The following TRPC7 variants were observed in gnomAD, a reference collection of about 807,000 sequenced individuals.
The protein encoded by TRPC7 is transient receptor potential cation channel subfamily C member 7, also known as short transient receptor potential channel 7.
In TRPC7, 42 loss-of-function variants were observed where a neutral mutation model predicts 90.1. That is an observed-to-expected ratio of 0.47 (90% CI 0.36 to 0.60). The LOEUF is 0.60. Among genes scored for constraint, TRPC7 ranks in the 20% least tolerant of loss-of-function variants. TRPC7 has a pLI of 0.00. For synonymous variants in TRPC7, 451 were observed against 436.3 expected, an observed-to-expected ratio of 1.03 and a Z score of -0.42; for missense variants, 955 against 1,112.3, an observed-to-expected ratio of 0.86 and a Z score of 2.01.
chr5:136,250,274 A>C (rs1400618979), intron 6 of TRPC7, among the ~76,000 whole-genome samples: 1 of 152,254 alleles, frequency 6.6e-6, no homozygotes, highest in Non-Finnish European at 1.5e-5. Context: ...TCTACACTGA[A>C]AACGGGCAGT....
chr5:136,245,628 T>C (rs1281504662), intron 7 of TRPC7, among the ~76,000 whole-genome samples: 1 of 152,112 alleles, frequency 6.6e-6, no homozygotes. Context: ...CTTAGCCCCA[T>C]TGATCCTGGC....
chr5:136,228,253 C>T (rs538620259), intron 8 of TRPC7, among the ~76,000 whole-genome samples: 6 of 147,598 alleles, frequency 4.1e-5, no homozygotes, highest in South Asian at 2.2e-4. Flanking sequence ...GGCTCAGATC[C>T]GAGGAGTGAG....
intron 2 of TRPC7, among the ~76,000 whole-genome samples, chr5:136,316,828 T>C (rs571145260): frequency 2.0e-5 from 3 of 152,334 alleles, no homozygotes; most frequent in Non-Finnish European, 2.9e-5. Context: ...AAGAGCCAAA[T>C]GTCACTTTCA....
rs1338221982 is a variant in TRPC7, at chr5:136,357,024, C to T, written c.364G>A (p.Val122Met). 4 of 1,613,068 alleles carry T rather than the reference C, an allele frequency of 2.5e-6. No individual in the cohort carries two copies. The highest frequency in any genetic ancestry group is 2.2e-5 in the South Asian group (2 of 91,080). Residue 122 changes from valine to methionine, a missense_variant, in exon 2 of 12, where the codon GTG becomes ATG. Val to Met is a conservative substitution (Grantham distance 21, BLOSUM62 1). This residue lies in a region of TRPC7 where 14 missense variants were observed against 34.2 expected (regional missense o/e 0.41). Transcript: ENST00000513104. Reference protein sequence around the residue: ...LAISKGYVRIVEAILNHPAFA... With the variant: ...LAISKGYVRIMEAILNHPAFA... The stretch of plus-strand genomic sequence containing the variant: ...GCCGGGTGGTTGAGGATGGCCTCCA[C>T]GATGCGCACATAGCCCTTGCTGATG...
At chr5:136,239,631 C>G (rs948319317) in intron 7 of TRPC7, among the ~76,000 whole-genome samples, 1 of 152,176 alleles carries the variant, frequency 6.6e-6, no homozygotes, top group Non-Finnish European at 1.5e-5. Context: ...AGCAGGATCC[C>G]CTTTGCAGCC....
chr5:136,277,248 T>C (rs373685470), intron 3 of TRPC7, among the ~76,000 whole-genome samples: 48 of 152,330 alleles, frequency 3.2e-4, no homozygotes, highest in African/African-American at 1.0e-3. Context: ...AAGACAGTGG[T>C]CCCAGCTAAA....
chr5:136,300,692 A>G (rs1432413028), intron 3 of TRPC7, among the ~76,000 whole-genome samples: 1 of 152,222 alleles, frequency 6.6e-6, no homozygotes, highest in Non-Finnish European at 1.5e-5. Flanking sequence ...GGACATGGAG[A>G]TGATAGCCCT....
chr5:136,257,336 C>T (rs2149808439), intron 5 of TRPC7, among the ~76,000 whole-genome samples: 1 of 152,122 alleles, frequency 6.6e-6, no homozygotes, highest in East Asian at 1.9e-4. Flanking sequence ...GCACACGCCA[C>T]CACACCTGGC....
intron 3 of TRPC7, among the ~76,000 whole-genome samples, chr5:136,305,480 C>T (rs1001809420): frequency 1.4e-4 from 21 of 152,212 alleles, no homozygotes; most frequent in African/African-American, 4.6e-4. Flanking sequence ...CAGGCCCCCT[C>T]CCTTCCCTAC....
At chr5:136,238,406 G>C (rs1393407921) in intron 7 of TRPC7, among the ~76,000 whole-genome samples, 2 of 152,150 alleles carry the variant, frequency 1.3e-5, no homozygotes, top group African/African-American at 4.8e-5. Flanking sequence ...GAACATTTTT[G>C]TCAATGGATG....
At chr5:136,301,406 C>T (rs961317015) in intron 3 of TRPC7, among the ~76,000 whole-genome samples, 11 of 141,284 alleles carry the variant, frequency 7.8e-5, no homozygotes, top group African/African-American at 2.4e-4. Context: ...CAAGCCATCA[C>T]ATCCCCTGTG....
rs115403662 is a variant in TRPC7 at position 136,341,852 on chromosome 5, C to T, written c.780+14756G>A. 4.6e-3 allele frequency among the ~76,000 whole-genome samples: 696 copies of T among 152,216 alleles called. 3 individuals are homozygous for T. The highest frequency in any genetic ancestry group is 7.9e-3 in the African/African-American group (328 of 41,536). On this transcript the variant is annotated intron_variant, in intron 2 of 11. Transcript: ENST00000513104. Reference sequence around the variant, plus strand: ...GGGATCTCAGATTATTAGCACAGTTCGGTTCCTGTCCATATTGTGGCTTAA... The same window carrying T: ...GGGATCTCAGATTATTAGCACAGTTTGGTTCCTGTCCATATTGTGGCTTAA...
chr5:136,326,404 G>A (rs1274013700), intron 2 of TRPC7, among the ~76,000 whole-genome samples: 9 of 152,166 alleles, frequency 5.9e-5, no homozygotes, highest in Non-Finnish European at 1.3e-4. Flanking sequence ...GATGCTATTC[G>A]GTGGGTGCAT....
intron 3 of TRPC7, among the ~76,000 whole-genome samples, chr5:136,307,824 G>A (rs532301452): frequency 1.3e-5 from 2 of 152,308 alleles, no homozygotes; most frequent in Admixed American, 1.3e-4. Flanking sequence ...GTGTAATTCT[G>A]CTTAGAAATC....
intron 2 of TRPC7, among the ~76,000 whole-genome samples, chr5:136,351,813 C>A (rs1760202532): frequency 6.6e-6 from 1 of 151,984 alleles, no homozygotes; most frequent in East Asian, 1.9e-4. Flanking sequence ...TATTTTAGGC[C>A]CAGAGAATTT....
intron 2 of TRPC7, among the ~76,000 whole-genome samples, chr5:136,331,850 C>T (rs1190901400): frequency 6.6e-6 from 1 of 152,090 alleles, no homozygotes; most frequent in Non-Finnish European, 1.5e-5. Context: ...TCCCCAGGTA[C>T]CCACTCTGTG....
At chr5:136,231,850 C>T (rs975506865) in intron 7 of TRPC7, among the ~76,000 whole-genome samples, 1 of 152,156 alleles carries the variant, frequency 6.6e-6, no homozygotes, top group Non-Finnish European at 1.5e-5. Context: ...AGGTATCATC[C>T]CATCTTAGCC....
intron 1 of TRPC7, among the ~76,000 whole-genome samples, chr5:136,364,574 A>G (rs1760666022): frequency 6.6e-6 from 1 of 152,148 alleles, no homozygotes; most frequent in African/African-American, 2.4e-5. Context: ...TCTACCCTGA[A>G]TCCATTACGC....
chr5:136,354,663 C>A (rs1300381876), intron 2 of TRPC7, among the ~76,000 whole-genome samples: 1 of 152,208 alleles, frequency 6.6e-6, no homozygotes, highest in Non-Finnish European at 1.5e-5. Flanking sequence ...CACTTTAGTT[C>A]CCTAATTACT....
Sources: gnomAD v4.1 joint callset for allele counts (sites outside exome capture counted in the v4.1 genomes callset) on GRCh38, gnomAD v4.1.1 for gene constraint, gnomAD v4.1.1 regional missense constraint, MANE v1.5 for transcripts, NCBI Gene and HGNC (gene_info 2026-07-23, HGNC 2026-07-21) for gene names.